The following EPHB1 variants were observed in gnomAD, a reference collection of about 807,000 sequenced individuals.
EPHB1 encodes the protein ephrin type-B receptor 1.
Under a neutral mutation model 94.4 loss-of-function variants are expected in EPHB1, and 30 were observed. That is an observed-to-expected ratio of 0.32 (90% CI 0.24 to 0.43). The LOEUF (loss-of-function observed/expected upper bound fraction) is 0.43, where lower values mean the gene tolerates loss of function less well. EPHB1 is among the 20% of genes least tolerant of loss of function. The pLI is 1.00. For missense variants in EPHB1, 1,055 were observed against 1,308.3 expected, an observed-to-expected ratio of 0.81 and a Z score of 2.99; for synonymous variants, 522 against 489.1, an observed-to-expected ratio of 1.07 and a Z score of -0.89.
chr3:135,172,355 A>C (rs967529437), intron 9 of EPHB1, among the ~76,000 whole-genome samples: 1 of 152,248 alleles, frequency 6.6e-6, no homozygotes. Flanking sequence ...TTGTAAGTGC[A>C]CTGCTTCCTC....
At chr3:135,171,632 C>T (rs1379951988) in intron 9 of EPHB1, among the ~76,000 whole-genome samples, 5 of 152,130 alleles carry the variant, frequency 3.3e-5, no homozygotes, top group Non-Finnish European at 7.3e-5. Flanking sequence ...TAAAGCAGTG[C>T]AAATAGGAGA....
intron 3 of EPHB1, among the ~76,000 whole-genome samples, chr3:134,958,664 G>C (rs545483531): frequency 6.6e-6 from 1 of 152,264 alleles, no homozygotes; most frequent in South Asian, 2.1e-4. Context: ...TTCCCAACAG[G>C]CTACTTCATT....
chr3:135,022,239 G>A (rs1936011928), intron 3 of EPHB1, among the ~76,000 whole-genome samples: 1 of 152,134 alleles, frequency 6.6e-6, no homozygotes, highest in African/African-American at 2.4e-5. Flanking sequence ...CAAAGTGCTG[G>A]GATTACAGGC....
chr3:135,040,491 G>T (rs1303613496), intron 3 of EPHB1, among the ~76,000 whole-genome samples: 1 of 152,232 alleles, frequency 6.6e-6, no homozygotes, highest in Non-Finnish European at 1.5e-5. Flanking sequence ...GGGGCTGGGG[G>T]GCATTTGGTA....
intron 2 of EPHB1, among the ~76,000 whole-genome samples, chr3:134,928,790 C>T (rs2038847842): frequency 6.6e-6 from 1 of 152,136 alleles, no homozygotes. Context: ...GGATGGATAA[C>T]CTGCACTGAA....
chr3:135,173,667 T>C (rs1941885309), intron 9 of EPHB1, among the ~76,000 whole-genome samples: 1 of 152,190 alleles, frequency 6.6e-6, no homozygotes, highest in Non-Finnish European at 1.5e-5. Context: ...CTAGTTGGTT[T>C]ACTCCAAGAA....
intron 3 of EPHB1, chr3:134,977,992 A>G: frequency 2.2e-6 from 1 of 456,004 alleles, no homozygotes. Context: ...GAGGATCCTT[A>G]GACAGCAGGA....
intron 1 of EPHB1, among the ~76,000 whole-genome samples, chr3:134,815,266 A>C (rs545358459): frequency 1.3e-5 from 2 of 152,300 alleles, no homozygotes; most frequent in East Asian, 3.9e-4. Flanking sequence ...AAATAAGAGA[A>C]TATTCTTGTT....
chr3:135,019,568 A>G (rs1197484954), intron 3 of EPHB1, among the ~76,000 whole-genome samples: 2 of 152,230 alleles, frequency 1.3e-5, no homozygotes, highest in Non-Finnish European at 2.9e-5. Flanking sequence ...ACCCAGAATG[A>G]CACCATCTGA....
rs149345477 is a variant in EPHB1 at position 135,012,801 on chromosome 3, C to A, written c.805+60749C>A. Among the ~76,000 whole-genome samples, 115 of 152,326 alleles carry A rather than the reference C, an allele frequency of 7.5e-4. 1 individual carries two copies. In the East Asian group the frequency reaches 0.021, roughly 28 times the overall value. On this transcript the variant is annotated intron_variant, in intron 3 of 15. Transcript: ENST00000398015. ...GAGGGAGAATAAACATCAGCTCAAG[C>A]TTCTCAGCTTATTCTCTGCAAAGGC... is the stretch of plus-strand genomic sequence containing the variant.
Position 135,162,009 on chromosome 3 carries a change from T to G in EPHB1, c.1423-9T>G. ...TGGGATAGTGACCCTTTCCCTTGCT[T>G]TCTTTTAGGAACACAATGAGTTCAA... On this transcript the variant is annotated splice_polypyrimidine_tract_variant and intron_variant, in intron 6 of 15. Coordinates refer to ENST00000398015, the MANE Select transcript of EPHB1 (RefSeq NM_004441.5). 6.2e-7 allele frequency: 1 copy of G among 1,602,500 alleles called. No individual in the cohort carries two copies. Among genetic ancestry groups the G allele is most frequent in the Admixed American group, 1.7e-5 (1 of 59,006 alleles).
chr3:134,945,130 T>C lies in EPHB1; in HGVS notation c.124-6241T>C, dbSNP rs144757089. Among the ~76,000 whole-genome samples, 92 of 152,346 alleles carry C rather than the reference T, an allele frequency of 6.0e-4. 1 individual carries two copies. In the East Asian group the frequency reaches 0.012, roughly 19 times the overall value. ...TATTGACTTATGGATTCTCTTTATA[T>C]ATTAGGGGATATTAACACTTTATCT... On this transcript the variant is annotated intron_variant, in intron 2 of 15. Transcript: ENST00000398015.
At chr3:135,149,419 G>C (rs758213120) in intron 5 of EPHB1, among the ~76,000 whole-genome samples, 11 of 152,262 alleles carry the variant, frequency 7.2e-5, no homozygotes, top group Non-Finnish European at 1.6e-4. Flanking sequence ...GGCAAAAGGG[G>C]ATACTTCTTT....
intron 1 of EPHB1, among the ~76,000 whole-genome samples, chr3:134,897,714 C>T (rs1020720605): frequency 6.6e-6 from 1 of 152,148 alleles, no homozygotes; most frequent in Non-Finnish European, 1.5e-5. Flanking sequence ...CTTTATTCCT[C>T]CTCACACACC....
chr3:134,925,327 G>A (rs1462262485), intron 1 of EPHB1, among the ~76,000 whole-genome samples: 1 of 152,252 alleles, frequency 6.6e-6, no homozygotes, highest in Non-Finnish European at 1.5e-5. Context: ...AGAGGAGAAT[G>A]TGTGGAGAGG....
intron 12 of EPHB1, among the ~76,000 whole-genome samples, chr3:135,219,814 G>A (rs1472615930): frequency 6.6e-6 from 1 of 152,166 alleles, no homozygotes; most frequent in Non-Finnish European, 1.5e-5. Context: ...CCTGTGCATT[G>A]TTACAGAAAT....
intron 1 of EPHB1, among the ~76,000 whole-genome samples, chr3:134,811,789 C>G (rs2108286410): frequency 6.6e-6 from 1 of 152,336 alleles, no homozygotes; most frequent in African/African-American, 2.4e-5. Flanking sequence ...TAGAGCTCAG[C>G]TTTGCACCAT....
chr3:135,233,805 A>G (rs376595630), intron 12 of EPHB1, among the ~76,000 whole-genome samples: 3 of 152,316 alleles, frequency 2.0e-5, no homozygotes, highest in African/African-American at 7.2e-5. Flanking sequence ...GCACACTCAC[A>G]GGACCAACAT....
intron 1 of EPHB1, chr3:134,840,655 A>G (rs988825468): frequency 2.6e-5 from 4 of 152,220 alleles, no homozygotes; most frequent in Non-Finnish European, 4.4e-5. Context: ...TAAGAAAGAA[A>G]ATTTTATGAA....
Sources: allele counts gnomAD v4.1 joint callset (sites outside exome capture counted in the v4.1 genomes callset), GRCh38; gene constraint gnomAD v4.1.1; transcripts MANE v1.5; gene names NCBI Gene and HGNC (gene_info 2026-07-23, HGNC 2026-07-21).